The following L3MBTL3 variants were observed in gnomAD, a reference collection of about 807,000 sequenced individuals.
L3MBTL3 encodes the protein lethal(3)malignant brain tumor-like protein 3.
In L3MBTL3, 27 loss-of-function variants were observed where a neutral mutation model predicts 102.3. The ratio of observed to expected loss-of-function variants is 0.26; its 90% CI spans 0.19 to 0.36. The LOEUF is 0.36. L3MBTL3 is among the 10% of genes least tolerant of loss of function. The pLI, the probability that L3MBTL3 is intolerant of heterozygous loss-of-function variation, is 1.00. For synonymous variants in L3MBTL3, 340 were observed against 320.9 expected (o/e 1.06, Z -0.64); for missense variants, 798 against 955.3 (o/e 0.84, Z 2.17).
At position 130,057,452 on chromosome 6, in the gene L3MBTL3, G is replaced by A. The variant is rs770590485; in HGVS notation, c.714G>A (p.Leu238=). The A allele has an allele frequency of 1.2e-6, 2 of 1,611,404 alleles. No homozygotes were observed. The highest frequency in any genetic ancestry group is 1.7e-5 in the Admixed American group (1 of 59,774). ...GKKAWCWASY[L]EEEKAVAVPA... ...AAGCGTGGTGCTGGGCATCCTACCT[G>A]GAAGAGGAGAAAGCGGTGGCAGTGC... Residue 238 remains leucine, a synonymous_variant, in exon 9 of 23, where the codon CTG becomes CTA. Transcript: ENST00000361794.
intron 3 of L3MBTL3, among the ~76,000 whole-genome samples, chr6:130,043,914 A>G (rs985535283): frequency 6.6e-6 from 1 of 152,228 alleles, no homozygotes; most frequent in Admixed American, 6.5e-5. Context: ...ACTGAGGTTT[A>G]GTAGAATCTG....
At chr6:130,072,251 C>T (rs1782685754) in intron 13 of L3MBTL3, among the ~76,000 whole-genome samples, 1 of 151,932 alleles carries the variant, frequency 6.6e-6, no homozygotes, top group Admixed American at 6.6e-5. Context: ...TGTGTAAATA[C>T]ATAGCATTTA....
At chr6:130,023,838 G>A (rs138992577) in intron 2 of L3MBTL3, among the ~76,000 whole-genome samples, 40 of 152,276 alleles carry the variant, frequency 2.6e-4, no homozygotes, top group African/African-American at 8.7e-4. Context: ...TGTGTGTATT[G>A]TATGGACTTC....
intron 2 of L3MBTL3, among the ~76,000 whole-genome samples, chr6:130,034,130 C>T (rs1422022588): frequency 6.6e-6 from 1 of 152,200 alleles, no homozygotes. Flanking sequence ...AGTCCCTGCT[C>T]CTCACTCTGA....
intron 2 of L3MBTL3, among the ~76,000 whole-genome samples, chr6:130,024,782 C>G (rs1293175342): frequency 6.6e-6 from 1 of 152,034 alleles, no homozygotes; most frequent in East Asian, 1.9e-4. Context: ...TTGAGGAGTT[C>G]TAGAGATCCT....
At chr6:130,078,340 G>A (rs972419584) in intron 13 of L3MBTL3, among the ~76,000 whole-genome samples, 1 of 152,146 alleles carries the variant, frequency 6.6e-6, no homozygotes, top group Admixed American at 6.6e-5. Flanking sequence ...AAAGAAAATT[G>A]CATGGTGTCA....
At chr6:130,098,824 A>G (rs1582561702) in intron 18 of L3MBTL3, among the ~76,000 whole-genome samples, 2 of 151,180 alleles carry the variant, frequency 1.3e-5, no homozygotes, top group East Asian at 3.9e-4. Context: ...CATTCATGCA[A>G]TGCACAGTGG....
In L3MBTL3 at chr6:130,064,482, C is replaced by T. The variant is rs143838479; in HGVS notation, c.865-1871C>T. 3.2e-3 allele frequency among the ~76,000 whole-genome samples: 480 copies of T among 152,088 alleles called. 4 individuals are homozygous for T. Among genetic ancestry groups the T allele is most frequent in the African/African-American group, 0.011 (449 of 41,496 alleles). The stretch of plus-strand genomic sequence containing the variant: ...GTAGAGAGGAAGGGAGTCAAAATGC[C>T]AGGGTATTGGATAAGTCATCCATAT... On this transcript the variant is annotated intron_variant, in intron 10 of 22. Coordinates refer to ENST00000361794, the MANE Select transcript of L3MBTL3 (RefSeq NM_032438.4).
intron 18 of L3MBTL3, among the ~76,000 whole-genome samples, chr6:130,100,812 T>C (rs1784640216): frequency 6.6e-6 from 1 of 152,152 alleles, no homozygotes; most frequent in Non-Finnish European, 1.5e-5. Flanking sequence ...ATATAAATTG[T>C]CTACACTGTA....
intron 10 of L3MBTL3, among the ~76,000 whole-genome samples, chr6:130,060,403 T>C (rs774583279): frequency 1.3e-5 from 2 of 152,116 alleles, no homozygotes; most frequent in African/African-American, 2.4e-5. Context: ...AACCCGGATT[T>C]GAACCAGTGT....
At chr6:130,086,356 A>T in intron 16 of L3MBTL3, 106 bp downstream of exon 16, 1 of 736,148 alleles carries the variant, frequency 1.4e-6, no homozygotes, top group Admixed American at 2.6e-5. Flanking sequence ...TAGTAAAATC[A>T]TAGGAATAAG....
intron 7 of L3MBTL3, among the ~76,000 whole-genome samples, chr6:130,053,870 C>G (rs1202949966): frequency 6.6e-6 from 1 of 152,124 alleles, no homozygotes; most frequent in Non-Finnish European, 1.5e-5. Context: ...GCTGAGAATA[C>G]AGGGATGCAT....
intron 9 of L3MBTL3, 150 bp downstream of exon 9, chr6:130,057,647 C>A: frequency 3.0e-6 from 2 of 673,770 alleles, no homozygotes; most frequent in Non-Finnish European, 5.1e-6. Context: ...GGGCAGTGAA[C>A]ACTGACTTGT....
At chr6:130,122,209 A>T (rs58501637) in intron 20 of L3MBTL3, among the ~76,000 whole-genome samples, 2,824 of 152,332 alleles carry the variant, frequency 0.019, 67 homozygotes, top group African/African-American at 0.065. Context: ...TTAGATTACT[A>T]TAAGATTTGA....
At chr6:130,023,238 T>C (rs1180821535) in intron 2 of L3MBTL3, among the ~76,000 whole-genome samples, 1 of 152,176 alleles carries the variant, frequency 6.6e-6, no homozygotes, top group African/African-American at 2.4e-5. Context: ...AATCTAGAAA[T>C]CAAAATGACT....
intron 14 of L3MBTL3, among the ~76,000 whole-genome samples, chr6:130,082,591 C>A (rs1335744384): frequency 1.3e-5 from 2 of 152,040 alleles, no homozygotes; most frequent in Non-Finnish European, 2.9e-5. Flanking sequence ...TTTTTGAGAA[C>A]TTCTTATTTT....
chr6:130,130,561 C>T (rs1447006610), intron 20 of L3MBTL3, among the ~76,000 whole-genome samples: 5 of 151,998 alleles, frequency 3.3e-5, no homozygotes, highest in Middle Eastern at 3.2e-3. Flanking sequence ...TAAGTTACTC[C>T]GTATTTTGCT....
Position 130,056,187 on chromosome 6 carries a change from C to A in L3MBTL3, c.667+932C>A, listed in dbSNP as rs925574997. Among the ~76,000 whole-genome samples, 13 of 152,302 alleles carry A rather than the reference C, an allele frequency of 8.5e-5. No homozygotes were observed. In the East Asian group the frequency reaches 2.5e-3, roughly 29 times the overall value. ...AAGCCATCTGCCCGTGTCTACCTCC[C>A]AAAGTGCTGGGATTACAGGCATGAG... On this transcript the variant is annotated intron_variant, in intron 8 of 22. Transcript: ENST00000361794.
chr6:130,103,752 C>G (rs1398737358), intron 18 of L3MBTL3, among the ~76,000 whole-genome samples: 1 of 152,210 alleles, frequency 6.6e-6, no homozygotes, highest in African/African-American at 2.4e-5. Flanking sequence ...AATTTCCTTT[C>G]AGGAATGATC....
Sources: gnomAD v4.1 joint callset for allele counts (sites outside exome capture counted in the v4.1 genomes callset) on GRCh38, gnomAD v4.1.1 for gene constraint, MANE v1.5 for transcripts, NCBI Gene and HGNC (gene_info 2026-07-23, HGNC 2026-07-21) for gene names.